Variants in TYR observed in about 807,000 individuals in gnomAD.
The protein encoded by TYR is tyrosinase, also known as LB24-AB.
A neutral mutation model predicts 51.5 loss-of-function variants in TYR; 58 were observed. The ratio of observed to expected loss-of-function variants is 1.13; its 90% CI spans 0.91 to 1.40. The LOEUF is 1.40. Ranked by LOEUF, TYR falls within the 40% of genes most tolerant of loss-of-function variation. The pLI, the probability that TYR is intolerant of heterozygous loss-of-function variation, is 0.00. For missense variants in TYR, 732 were observed against 647.4 expected (o/e 1.13, Z -1.42); for synonymous variants, 263 against 235.2 (o/e 1.12, Z -1.08).
intron 2 of TYR, among the ~76,000 whole-genome samples, chr11:89,208,236 C>T (rs964100352): frequency 6.6e-6 from 1 of 152,122 alleles, no homozygotes; most frequent in Admixed American, 6.6e-5. Context: ...CGCCATGGCA[C>T]TCCAGCCTGG....
chr11:89,235,354 CAA>C (rs1339507350), intron 3 of TYR, among the ~76,000 whole-genome samples: 2 of 152,200 alleles, frequency 1.3e-5, no homozygotes, highest in East Asian at 3.9e-4. Flanking sequence ...ATCAGTATGT[CAA>C]AGAGTTATTT....
chr11:89,262,267 C>T (rs1944465952), intron 3 of TYR, among the ~76,000 whole-genome samples: 1 of 152,072 alleles, frequency 6.6e-6, no homozygotes, highest in Admixed American at 6.6e-5. Flanking sequence ...CCATGTTGGT[C>T]AGGCTGGTCT....
chr11:89,227,925 C>A lies in TYR; in HGVS notation c.1139C>A (p.Ser380Tyr). The A allele has an allele frequency of 6.2e-7, 1 of 1,613,594 alleles. No individual in the cohort carries two copies. The highest frequency in any genetic ancestry group is 8.5e-7 in the Non-Finnish European group (1 of 1,179,722). Residue 380 changes from serine to tyrosine, a missense_variant, in exon 3 of 5, where the codon TCT (serine) becomes TAT (tyrosine). Transcript: ENST00000263321. The stretch of plus-strand genomic sequence containing the variant: ...GGAACAATGTCCCAGGTACAGGGAT[C>A]TGCCAACGATCCTATCTTCCTTCTT... ...MNGTMSQVQG[S>Y]ANDPIFLLHH... is the part of the protein sequence containing the mutation.
At chr11:89,221,039 G>C (rs1943905531) in intron 2 of TYR, among the ~76,000 whole-genome samples, 1 of 152,168 alleles carries the variant, frequency 6.6e-6, no homozygotes, top group Non-Finnish European at 1.5e-5. Context: ...AATTCATTGT[G>C]ATTTGTCATT....
At chr11:89,256,311 T>C (rs1349822417) in intron 3 of TYR, among the ~76,000 whole-genome samples, 2 of 151,982 alleles carry the variant, frequency 1.3e-5, no homozygotes, top group East Asian at 3.9e-4. Flanking sequence ...TACTGTCCTA[T>C]GTCATATGCC....
intron 3 of TYR, among the ~76,000 whole-genome samples, chr11:89,255,548 G>A (rs1190753606): frequency 4.6e-5 from 7 of 151,672 alleles, no homozygotes; most frequent in Non-Finnish European, 7.4e-5. Flanking sequence ...AATTTTCCTT[G>A]TAGAAAAGAT....
chr11:89,235,701 A>C (rs1032406029), intron 3 of TYR, among the ~76,000 whole-genome samples: 7 of 151,776 alleles, frequency 4.6e-5, no homozygotes, highest in Admixed American at 3.9e-4. Context: ...AGGGTCAATG[A>C]AAATGTTAGT....
chr11:89,201,193 G>A (rs1401765198), intron 2 of TYR, among the ~76,000 whole-genome samples: 1 of 151,550 alleles, frequency 6.6e-6, no homozygotes, highest in Non-Finnish European at 1.5e-5. Flanking sequence ...TTAAATTTTT[G>A]CTTGAAAACT....
At chr11:89,283,973 A>C (rs1944750756) in intron 3 of TYR, 1 of 151,822 alleles carries the variant, frequency 6.6e-6, no homozygotes, top group African/African-American at 2.4e-5. Context: ...GAAGGGCATC[A>C]GCTAAGACGG....
intron 3 of TYR, among the ~76,000 whole-genome samples, chr11:89,235,400 T>C (rs1340838702): frequency 2.0e-5 from 3 of 152,156 alleles, no homozygotes; most frequent in Admixed American, 6.6e-5. Context: ...TAATTCACAA[T>C]AGGCAAGATA....
chr11:89,220,907 G>A (rs1003952222), intron 2 of TYR, among the ~76,000 whole-genome samples: 1 of 152,154 alleles, frequency 6.6e-6, no homozygotes, highest in Non-Finnish European at 1.5e-5. Flanking sequence ...TTGTAGAGAG[G>A]CAATTAAGTA....
chr11:89,277,115 G>A (rs1944663886), intron 3 of TYR, among the ~76,000 whole-genome samples: 3 of 151,668 alleles, frequency 2.0e-5, no homozygotes, highest in South Asian at 2.1e-4. Context: ...TTCTATAAAT[G>A]AGCACACTGA....
chr11:89,194,553 C>T (rs767483776), intron 2 of TYR, among the ~76,000 whole-genome samples: 7 of 152,094 alleles, frequency 4.6e-5, no homozygotes, highest in South Asian at 2.1e-4. Flanking sequence ...TTGGCATCGT[C>T]GATGGTTACA....
rs758570611 is a variant in TYR at position 89,178,386 on chromosome 11, A to G, written c.433A>G (p.Ile145Val). 8 of 1,614,052 alleles carry G rather than the reference A, an allele frequency of 5.0e-6. No individual in the cohort carries two copies. The Admixed American group carries it at 5.0e-5, about 10-fold the overall frequency. Residue 145 changes from isoleucine (I) to valine (V), a missense_variant, in exon 1 of 5, where the codon ATC (isoleucine) becomes GTC (valine). By Grantham distance (29) the Ile-to-Val change is conservative. Coordinates refer to ENST00000263321, the MANE Select transcript of TYR (RefSeq NM_000372.5). ...CTACCTCACTTTAGCAAAGCATACC[A>G]TCAGCTCAGACTATGTCATCCCCAT... is the stretch of plus-strand genomic sequence containing the variant. ...FAYLTLAKHT[I>V]SSDYVIPIGT...
intron 4 of TYR, chr11:89,294,311 G>A (rs1000098918): frequency 6.6e-6 from 1 of 152,512 alleles, no homozygotes; most frequent in Non-Finnish European, 1.5e-5. Context: ...AGGCTTTTGG[G>A]GTTTTTTTGT....
intron 3 of TYR, among the ~76,000 whole-genome samples, chr11:89,231,716 G>T (rs572375025): frequency 6.3e-5 from 9 of 142,722 alleles, no homozygotes; most frequent in Non-Finnish European, 1.2e-4. Context: ...GAGCGCAGTG[G>T]ATCATGCCTG....
chr11:89,211,652 C>A (rs146949093), intron 2 of TYR, among the ~76,000 whole-genome samples: 31 of 152,262 alleles, frequency 2.0e-4, no homozygotes, highest in African/African-American at 7.5e-4. Context: ...AATATACGTT[C>A]TTCTCGGCAC....
chr11:89,273,759 C>A (rs1944618885), intron 3 of TYR, among the ~76,000 whole-genome samples: 1 of 151,496 alleles, frequency 6.6e-6, no homozygotes, highest in African/African-American at 2.4e-5. Context: ...ATTTTTTTTT[C>A]TCACAATTCT....
intron 4 of TYR, among the ~76,000 whole-genome samples, chr11:89,291,614 G>A (rs987028795): frequency 1.3e-5 from 2 of 151,810 alleles, no homozygotes; most frequent in Admixed American, 6.6e-5. Flanking sequence ...ATACACATAA[G>A]TTGTTAAGCA....
Sources: gnomAD v4.1 joint callset for allele counts (sites outside exome capture counted in the v4.1 genomes callset) on GRCh38, gnomAD v4.1.1 for gene constraint, MANE v1.5 for transcripts, NCBI Gene and HGNC (gene_info 2026-07-23, HGNC 2026-07-21) for gene names.